The following NALCN variants were observed in gnomAD, a reference collection of about 807,000 sequenced individuals.
NALCN encodes sodium leak channel, non-selective.
In NALCN, 111 loss-of-function variants were observed where a neutral mutation model predicts 225.3. The ratio of observed to expected loss-of-function variants is 0.49; its 90% CI spans 0.42 to 0.58. NALCN has a LOEUF of 0.58. Ranked by LOEUF, NALCN falls within the 20% of genes least tolerant of loss-of-function variation. The pLI, the probability that NALCN is intolerant of heterozygous loss-of-function variation, is 0.00. For synonymous variants in NALCN, 764 were observed against 769.0 expected, an observed-to-expected ratio of 0.99 and a Z score of 0.11; for missense variants, 1,378 against 2,202.4, an observed-to-expected ratio of 0.63 and a Z score of 7.49.
chr13:101,073,716 A>C, intron 36 of NALCN, 39 bp from the exon 37 acceptor site: 4 of 1,546,378 alleles, frequency 2.6e-6, no homozygotes, highest in Non-Finnish European at 3.5e-6. Flanking sequence ...TGTGAATTAT[A>C]GAAGGGTTTG....
At chr13:101,158,361 G>C (rs1185402610) in intron 15 of NALCN, among the ~76,000 whole-genome samples, 1 of 152,212 alleles carries the variant, frequency 6.6e-6, no homozygotes, top group African/African-American at 2.4e-5. Flanking sequence ...GTCTTGGCTT[G>C]GCCTCTGCCT....
At chr13:101,401,791 C>T (rs1210958772) in intron 1 of NALCN, among the ~76,000 whole-genome samples, 3 of 152,250 alleles carry the variant, frequency 2.0e-5, no homozygotes, top group Middle Eastern at 3.4e-3. Context: ...ATCTAAGCTC[C>T]AAAGATACCT....
chr13:101,109,431 G>A (rs1041351494), intron 20 of NALCN, among the ~76,000 whole-genome samples: 1 of 152,126 alleles, frequency 6.6e-6, no homozygotes, highest in Non-Finnish European at 1.5e-5. Flanking sequence ...CATGTACTTG[G>A]ACTAAAACAG....
chr13:101,104,806 TA>T lies in NALCN; in HGVS notation c.2636+87del. 1.3e-6 allele frequency: 2 copies of T among 1,564,620 alleles called. No individual in the cohort carries two copies. The highest frequency in any genetic ancestry group is 1.8e-6 in the Non-Finnish European group (2 of 1,140,318). On this transcript the variant is annotated intron_variant, in intron 23 of 43. Transcript: ENST00000251127. This position sits in a 1 kb window ranked among gnomAD's most constrained non-coding sequence, Gnocchi z 4.2. ...TTCATAGCACTATATAGCAAGAAAA[TA>T]AAAGAGAATTTTAATCGTTGTATGC...
intron 12 of NALCN, among the ~76,000 whole-genome samples, chr13:101,230,903 TG>T (rs2041320744): frequency 6.6e-6 from 1 of 152,212 alleles, no homozygotes; most frequent in South Asian, 2.1e-4. Flanking sequence ...GAGTCAAGTA[TG>T]GGCCACGTAT....
At chr13:101,187,596 C>CA (rs1346217831) in intron 14 of NALCN, among the ~76,000 whole-genome samples, 2 of 151,996 alleles carry the variant, frequency 1.3e-5, no homozygotes, top group African/African-American at 2.4e-5. Context: ...AATTGAGTCA[C>CA]AAAAAAGATG....
chr13:101,208,434 C>G (rs999226801), intron 13 of NALCN, among the ~76,000 whole-genome samples: 6 of 152,208 alleles, frequency 3.9e-5, no homozygotes, highest in Admixed American at 6.5e-5. Flanking sequence ...TTGAAGTCAG[C>G]AAGACCAAGA....
At chr13:101,128,351 A>G (rs16958426) in intron 17 of NALCN, among the ~76,000 whole-genome samples, 5,229 of 152,296 alleles carry the variant, frequency 0.034, 238 homozygotes, top group African/African-American at 0.11. Flanking sequence ...TTCCAGAATT[A>G]CATACTTTAA....
intron 40 of NALCN, among the ~76,000 whole-genome samples, chr13:101,065,011 T>G (rs1345364733): frequency 1.3e-5 from 2 of 152,166 alleles, no homozygotes; most frequent in African/African-American, 4.8e-5. Flanking sequence ...GTGCTCTGCA[T>G]GTTAGTCCCA....
chr13:101,305,243 C>G (rs1225500865), intron 7 of NALCN, among the ~76,000 whole-genome samples: 1 of 152,190 alleles, frequency 6.6e-6, no homozygotes, highest in Non-Finnish European at 1.5e-5. Context: ...GTATCCAACT[C>G]TCTTACTTGG....
intron 10 of NALCN, among the ~76,000 whole-genome samples, chr13:101,281,579 G>A (rs2138996548): frequency 6.6e-6 from 1 of 152,180 alleles, no homozygotes; most frequent in South Asian, 2.1e-4. Context: ...GATGGAAGGA[G>A]GACCACAAAA....
intron 1 of NALCN, among the ~76,000 whole-genome samples, chr13:101,406,151 CAA>C (rs11400384): frequency 8.7e-5 from 10 of 114,538 alleles, no homozygotes; most frequent in South Asian, 3.0e-4. Flanking sequence ...CCCATCTCTA[CAA>C]AAAAAAAAAA....
chr13:101,114,209 C>T (rs6491598), intron 18 of NALCN, among the ~76,000 whole-genome samples: 1 of 152,090 alleles, frequency 6.6e-6, no homozygotes, highest in Non-Finnish European at 1.5e-5. Flanking sequence ...AGGTGATGTG[C>T]TTTCTCTAAG....
At position 101,346,361 on chromosome 13, in the gene NALCN, T is replaced by C. The variant is rs547365935; in HGVS notation, c.645-941A>G. ...GAACGTTAACTTGTCTGAGGAGTCA[T>C]TGTGATTCACAAAATTCTTGTCTCA... On this transcript the variant is annotated intron_variant, in intron 6 of 43. Coordinates refer to ENST00000251127, the MANE Select transcript of NALCN (RefSeq NM_052867.4). 3.3e-5 allele frequency among the ~76,000 whole-genome samples: 5 copies of C among 152,176 alleles called. No homozygotes were observed. The East Asian group carries it at 9.7e-4, about 29-fold the overall frequency.
chr13:101,147,960 T>G (rs934225177), intron 15 of NALCN, among the ~76,000 whole-genome samples: 1 of 152,168 alleles, frequency 6.6e-6, no homozygotes, highest in African/African-American at 2.4e-5. Context: ...AGATTTCAGT[T>G]CCACTAGAAA....
chr13:101,258,345 AATG>A, intron 11 of NALCN, 95 bp downstream of exon 11: 1 of 1,487,704 alleles, frequency 6.7e-7, no homozygotes, highest in South Asian at 1.3e-5. Flanking sequence ...AAAGTCAAGT[AATG>A]AACAGGCTAC....
intron 41 of NALCN, 23 bp from the exon 42 acceptor site, chr13:101,059,990 T>C (rs756928377): frequency 1.2e-6 from 2 of 1,612,606 alleles, no homozygotes; most frequent in African/African-American, 2.7e-5. Flanking sequence ...GATTGTTTGT[T>C]CAGTAAAATA....
chr13:101,073,698 T>G lies in NALCN; in HGVS notation c.4104-21A>C, dbSNP rs756625178. 32 of 1,586,752 alleles carry G rather than the reference T, an allele frequency of 2.0e-5. No individual in the cohort carries two copies. The Admixed American group carries it at 4.5e-4, about 22-fold the overall frequency. On this transcript the variant is annotated intron_variant, in intron 36 of 43. Transcript: ENST00000251127. Reference sequence around the variant, plus strand: ...CATGCCTAATTTAAGAAAAAAAAATTAACAGAATGTGAATTATAGAAGGGT... The same window carrying G: ...CATGCCTAATTTAAGAAAAAAAAATGAACAGAATGTGAATTATAGAAGGGT...
At chr13:101,197,815 C>T (rs763683349) in intron 13 of NALCN, among the ~76,000 whole-genome samples, 11 of 152,082 alleles carry the variant, frequency 7.2e-5, no homozygotes, top group Non-Finnish European at 1.3e-4. Context: ...TGGAAGTGAA[C>T]AAATGAATGG....
Sources: allele counts gnomAD v4.1 joint callset (sites outside exome capture counted in the v4.1 genomes callset), GRCh38; gene constraint gnomAD v4.1.1; non-coding constraint Gnocchi (gnomAD v3.1); transcripts MANE v1.5; gene names NCBI Gene and HGNC (gene_info 2026-07-23, HGNC 2026-07-21).